The following CLNK variants were observed in gnomAD, a reference collection of about 807,000 sequenced individuals.
The protein encoded by CLNK is cytokine dependent hematopoietic cell linker, also known as cytokine-dependent hematopoietic cell linker.
CLNK carries 74 observed loss-of-function variants against 68.6 expected under a neutral mutation model. That is an observed-to-expected ratio of 1.08 (90% CI 0.89 to 1.31). The LOEUF (loss-of-function observed/expected upper bound fraction) is 1.31, where lower values mean the gene tolerates loss of function less well. CLNK is among the 50% of genes most tolerant of loss of function. CLNK has a pLI of 0.00. For synonymous variants in CLNK, 198 were observed against 172.2 expected (o/e 1.15, Z -1.17); for missense variants, 553 against 515.3 (o/e 1.07, Z -0.71).
intron 17 of CLNK, among the ~76,000 whole-genome samples, chr4:10,506,349 G>C (rs1717292977): frequency 6.6e-6 from 1 of 152,136 alleles, no homozygotes; most frequent in South Asian, 2.1e-4. Context: ...GAGTGTGAAG[G>C]TAGAAGCACA....
chr4:10,699,468 C>CTCTCTG, the CLNK span, among the ~76,000 whole-genome samples: 1 of 10,162 alleles, frequency 9.8e-5, no homozygotes, highest in African/African-American at 2.1e-4. Context: ...TCCTCTCTGT[C>CTCTCTG]TCTCTCTCTC....
chr4:10,548,186 T>C (rs118048095), intron 8 of CLNK, among the ~76,000 whole-genome samples: 1 of 152,304 alleles, frequency 6.6e-6, no homozygotes, highest in East Asian at 1.9e-4. Context: ...TTTTAAGTAA[T>C]AGTCATCCTA....
At chr4:10,587,388 C>T (rs1258093256) in intron 3 of CLNK, among the ~76,000 whole-genome samples, 8 of 152,142 alleles carry the variant, frequency 5.3e-5, no homozygotes, top group East Asian at 1.9e-4. Flanking sequence ...GGAAGGCTCC[C>T]GAGGATGCTA....
the CLNK span, among the ~76,000 whole-genome samples, chr4:10,704,506 C>A: frequency 7.0e-4 from 106 of 152,156 alleles, 1 homozygote; most frequent in African/African-American, 2.5e-3. Flanking sequence ...ACTCTGAACC[C>A]CTGGGGATGC....
chr4:10,563,324 G>T (rs986299938), intron 7 of CLNK, among the ~76,000 whole-genome samples: 1 of 152,140 alleles, frequency 6.6e-6, no homozygotes, highest in Non-Finnish European at 1.5e-5. Context: ...ATATTTCTAA[G>T]GGGTGGATAT....
intron 18 of CLNK, among the ~76,000 whole-genome samples, chr4:10,493,075 G>A (rs1024174481): frequency 1.3e-5 from 2 of 152,188 alleles, no homozygotes; most frequent in Admixed American, 1.3e-4. Flanking sequence ...CCAGCACTTT[G>A]GGATGCCAAG....
Position 10,671,760 on chromosome 4 carries a change from TC to T in CLNK, c.-42-3850del, listed in dbSNP as rs1401756717. On this transcript the variant is annotated intron_variant, in intron 1 of 18. Coordinates refer to ENST00000226951, the MANE Select transcript of CLNK (RefSeq NM_052964.4). Reference sequence around the variant, plus strand: ...TAACCTCATAGGGTCTGTTTTATGATCCTCATTTTATACAAAACCAAACAAG... The same window carrying T: ...TAACCTCATAGGGTCTGTTTTATGATCTCATTTTATACAAAACCAAACAAG... Among the ~76,000 whole-genome samples, 3 of 152,294 alleles carry T rather than the reference TC, an allele frequency of 2.0e-5. No homozygotes were observed. In the East Asian group the frequency reaches 5.8e-4, roughly 29 times the overall value.
chr4:10,703,716 A>G, the CLNK span, among the ~76,000 whole-genome samples: 1 of 152,224 alleles, frequency 6.6e-6, no homozygotes, highest in Middle Eastern at 3.2e-3. Flanking sequence ...AGGCATATAT[A>G]GAGTATAGCC....
At chr4:10,671,373 T>C (rs1035001782) in intron 1 of CLNK, among the ~76,000 whole-genome samples, 1 of 118,464 alleles carries the variant, frequency 8.4e-6, no homozygotes, top group Non-Finnish European at 1.8e-5. Context: ...GCAACAAGAG[T>C]GAAACTCTAT....
chr4:10,579,574 G>A (rs931393903), intron 4 of CLNK, among the ~76,000 whole-genome samples: 4 of 152,134 alleles, frequency 2.6e-5, no homozygotes, highest in Non-Finnish European at 5.9e-5. Flanking sequence ...TTAGGCAAAT[G>A]GAGAGGAAAA....
chr4:10,609,688 A>G (rs1406974362), intron 2 of CLNK, among the ~76,000 whole-genome samples: 2 of 152,258 alleles, frequency 1.3e-5, no homozygotes, highest in Non-Finnish European at 2.9e-5. Context: ...AGACTGTTCT[A>G]GAATAGACCA....
chr4:10,707,065 G>A, the CLNK span, among the ~76,000 whole-genome samples: 3 of 152,082 alleles, frequency 2.0e-5, no homozygotes, highest in Non-Finnish European at 4.4e-5. Context: ...ACAGGGGTGA[G>A]CCATCGCGCC....
chr4:10,529,320 A>C (rs535171705), intron 12 of CLNK, among the ~76,000 whole-genome samples: 1 of 152,296 alleles, frequency 6.6e-6, no homozygotes, highest in East Asian at 1.9e-4. Flanking sequence ...GAGGTCCATT[A>C]AATGTTAAAA....
At chr4:10,531,692 C>T (rs1444319617) in intron 12 of CLNK, 9 of 456,000 alleles carry the variant, frequency 2.0e-5, no homozygotes, top group East Asian at 7.0e-5. Flanking sequence ...CCGCCCACCT[C>T]GGCCTCCCAA....
intron 15 of CLNK, 57 bp from the exon 16 acceptor site, chr4:10,513,654 C>G: frequency 6.6e-7 from 1 of 1,516,324 alleles, no homozygotes; most frequent in Non-Finnish European, 8.8e-7. Context: ...AGTCTGTCCC[C>G]CACCTCCAGA....
the CLNK span, among the ~76,000 whole-genome samples, chr4:10,695,947 C>T: frequency 6.6e-6 from 1 of 152,098 alleles, no homozygotes; most frequent in African/African-American, 2.4e-5. Flanking sequence ...CCTCTGCCTC[C>T]CGGGTTCAAG....
chr4:10,690,357 C>A, the CLNK span, among the ~76,000 whole-genome samples: 1 of 152,114 alleles, frequency 6.6e-6, no homozygotes. Flanking sequence ...GAGGATAACA[C>A]GGTTTCTGAC....
At chr4:10,691,702 C>T in the CLNK span, among the ~76,000 whole-genome samples, 1 of 152,132 alleles carries the variant, frequency 6.6e-6, no homozygotes. Flanking sequence ...AAATTATTCC[C>T]TGTGCAGAGG....
At chr4:10,609,454 A>G (rs1365482075) in intron 2 of CLNK, among the ~76,000 whole-genome samples, 1 of 152,178 alleles carries the variant, frequency 6.6e-6, no homozygotes, top group African/African-American at 2.4e-5. Context: ...ATTGAAATGG[A>G]TCAGACTTTG....
Sources: gnomAD v4.1 joint callset for allele counts (sites outside exome capture counted in the v4.1 genomes callset) on GRCh38, gnomAD v4.1.1 for gene constraint, MANE v1.5 for transcripts, NCBI Gene and HGNC (gene_info 2026-07-23, HGNC 2026-07-21) for gene names.